Variants in UCK2 observed in about 807,000 individuals in gnomAD.
UCK2 encodes the protein uridine-cytidine kinase 2.
A neutral mutation model predicts 30.8 loss-of-function variants in UCK2; 6 were observed. That is an observed-to-expected ratio of 0.19 (90% CI 0.11 to 0.38). The LOEUF is 0.38. UCK2 is among the 10% of genes least tolerant of loss of function. The pLI, the probability that UCK2 is intolerant of heterozygous loss-of-function variation, is 1.00. For missense variants in UCK2, 210 were observed against 339.8 expected (o/e 0.62, Z 3.00); for synonymous variants, 125 against 133.6 (o/e 0.94, Z 0.45).
rs1192785165 is a variant in UCK2 at position 165,832,652 on chromosome 1, A to C, written c.99+4720A>C. ...GGGACAGAGCCTTGCTCTGTCACCCAGGCTGGAGTGCAGGGGTGCGAACTC... is the reference window on the plus strand; with the variant it reads ...GGGACAGAGCCTTGCTCTGTCACCCCGGCTGGAGTGCAGGGGTGCGAACTC... On this transcript the variant is annotated intron_variant, in intron 1 of 6. Coordinates refer to ENST00000367879, the MANE Select transcript of UCK2 (RefSeq NM_012474.5). Among the ~76,000 whole-genome samples, 4 of 152,246 alleles carry C rather than the reference A, an allele frequency of 2.6e-5. No individual in the cohort carries two copies. In the East Asian group the frequency reaches 5.8e-4, roughly 22 times the overall value.
At chr1:165,901,446 C>G (rs1647459097) in intron 4 of UCK2, among the ~76,000 whole-genome samples, 1 of 152,158 alleles carries the variant, frequency 6.6e-6, no homozygotes, top group African/African-American at 2.4e-5. Flanking sequence ...TCTGTGCATG[C>G]ACCTGTGCAT....
Position 165,911,521 on chromosome 1 carries a change from C to T in UCK2, c.*3698C>T, listed in dbSNP as rs1366504846. On this transcript the variant is annotated 3_prime_UTR_variant, in exon 7 of 7. Coordinates refer to ENST00000367879, the MANE Select transcript of UCK2 (RefSeq NM_012474.5). The stretch of plus-strand genomic sequence containing the variant: ...TTCCCCCCTTTTAAGATGCTTGCTC[C>T]TCTCCCTTTTCTTTTTACCACCCTA... The T allele has an allele frequency of 6.6e-6, 1 of 152,172 alleles. No homozygotes were observed. Among genetic ancestry groups the T allele is most frequent in the East Asian group, 1.9e-4 (1 of 5,192 alleles). 9.4% of individuals were successfully genotyped at this position (152,172 alleles called of 1,614,324 possible).
intron 4 of UCK2, among the ~76,000 whole-genome samples, chr1:165,902,263 T>C (rs977142125): frequency 2.0e-5 from 3 of 151,608 alleles, no homozygotes; most frequent in Non-Finnish European, 4.4e-5. Context: ...AAAAAATTAG[T>C]CCATTGAGGT....
At chr1:165,873,887 A>G (rs1044904078) in intron 1 of UCK2, among the ~76,000 whole-genome samples, 1 of 150,838 alleles carries the variant, frequency 6.6e-6, no homozygotes. Context: ...GCCACTCACT[A>G]CTCCTGAGCT....
intron 1 of UCK2, among the ~76,000 whole-genome samples, chr1:165,888,915 C>A (rs1402848255): frequency 6.6e-6 from 1 of 152,232 alleles, no homozygotes; most frequent in Non-Finnish European, 1.5e-5. Context: ...CAATCCTTCA[C>A]TATCTCATTC....
chr1:165,881,966 C>G (rs990788350), intron 1 of UCK2, among the ~76,000 whole-genome samples: 1 of 152,212 alleles, frequency 6.6e-6, no homozygotes, highest in African/African-American at 2.4e-5. Flanking sequence ...GGCTGGACTA[C>G]CTTTGCGGCA....
At chr1:165,888,118 G>A (rs1474196372) in intron 1 of UCK2, among the ~76,000 whole-genome samples, 2 of 152,162 alleles carry the variant, frequency 1.3e-5, no homozygotes, top group African/African-American at 2.4e-5. Flanking sequence ...TTTTCCTTAC[G>A]CTCAGGGCAA....
At chr1:165,849,399 G>A (rs1044624409) in intron 1 of UCK2, among the ~76,000 whole-genome samples, 1 of 152,134 alleles carries the variant, frequency 6.6e-6, no homozygotes, top group East Asian at 1.9e-4. Flanking sequence ...GGGAAAGAGT[G>A]GACTCGGGAC....
intron 1 of UCK2, among the ~76,000 whole-genome samples, chr1:165,886,600 A>T (rs1179014148): frequency 6.6e-6 from 1 of 152,200 alleles, no homozygotes; most frequent in African/African-American, 2.4e-5. Context: ...CAGCTGAATT[A>T]TTCTTAAGGA....
intron 1 of UCK2, among the ~76,000 whole-genome samples, chr1:165,864,249 G>A (rs1654990463): frequency 6.6e-6 from 1 of 152,138 alleles, no homozygotes; most frequent in Non-Finnish European, 1.5e-5. Flanking sequence ...CGCCCAGCCG[G>A]GTCCTGCCTT....
At chr1:165,854,643 A>G (rs1394872590) in intron 1 of UCK2, among the ~76,000 whole-genome samples, 2 of 145,054 alleles carry the variant, frequency 1.4e-5, no homozygotes, top group Non-Finnish European at 3.0e-5. Context: ...ATAAATAAAT[A>G]AAGTGAGTGT....
At chr1:165,843,915 A>G (rs1003122020) in intron 1 of UCK2, among the ~76,000 whole-genome samples, 1 of 152,078 alleles carries the variant, frequency 6.6e-6, no homozygotes, top group Non-Finnish European at 1.5e-5. Context: ...ATAATTTTGC[A>G]CGTGTTTATT....
intron 1 of UCK2, among the ~76,000 whole-genome samples, chr1:165,871,701 T>G (rs1054282463): frequency 5.3e-5 from 8 of 152,056 alleles, no homozygotes. Context: ...AAGGAAGACA[T>G]GAAGTTGAGA....
intron 1 of UCK2, among the ~76,000 whole-genome samples, chr1:165,887,995 ATAT>A (rs1655663109): frequency 6.6e-6 from 1 of 152,198 alleles, no homozygotes. Flanking sequence ...TTGAGTCAAA[ATAT>A]TATTGTTCCT....
intron 1 of UCK2, among the ~76,000 whole-genome samples, chr1:165,837,294 T>C (rs1406440339): frequency 6.6e-6 from 1 of 152,256 alleles, no homozygotes; most frequent in African/African-American, 2.4e-5. Context: ...CCTTACATTT[T>C]GACAGTTCTG....
chr1:165,905,271 CCA>C (rs1312384938), intron 5 of UCK2, among the ~76,000 whole-genome samples: 1 of 152,076 alleles, frequency 6.6e-6, no homozygotes, highest in Non-Finnish European at 1.5e-5. Context: ...TCGCTTGAGC[CCA>C]GGAGTTTGAG....
rs1026166018 is a variant in UCK2 at position 165,911,185 on chromosome 1, T to C, written c.*3362T>C. 21 of 152,348 alleles carry C rather than the reference T, an allele frequency of 1.4e-4. No individual in the cohort carries two copies. Among genetic ancestry groups the C allele is most frequent in the African/African-American group, 4.8e-4 (20 of 41,456 alleles). The allele number at this position is 152,348 out of a possible 1,614,324, so 9.4% of individuals were successfully genotyped here. A position where few individuals can be genotyped will look rare whatever the true frequency, so the allele number is the denominator to read the frequency against. On this transcript the variant is annotated 3_prime_UTR_variant, in exon 7 of 7. Coordinates refer to ENST00000367879, the MANE Select transcript of UCK2 (RefSeq NM_012474.5). Reference sequence around the variant, plus strand: ...GAGGAGCAGCTAGGTAGGTGGGTTATGCGGTTCAGGACTGCTTCTGGAAGG... The same window carrying C: ...GAGGAGCAGCTAGGTAGGTGGGTTACGCGGTTCAGGACTGCTTCTGGAAGG...
intron 1 of UCK2, among the ~76,000 whole-genome samples, chr1:165,830,701 A>G (rs113956904): frequency 0.032 from 4,900 of 152,206 alleles, 274 homozygotes; most frequent in African/African-American, 0.11. Context: ...AATGATTGAT[A>G]GTTTGTCATC....
At position 165,870,836 on chromosome 1, in the gene UCK2, G is replaced by A. The variant is rs977490267; in HGVS notation, c.100-19368G>A. ...AAATTCCTTGTTAGTCTTTTTTTTC[G>A]AGAAGGAGTTTTGCTCTGTTGCCCC... On this transcript the variant is annotated intron_variant, in intron 1 of 6. Coordinates refer to ENST00000367879, the MANE Select transcript of UCK2 (RefSeq NM_012474.5). Among the ~76,000 whole-genome samples the A allele has an allele frequency of 5.3e-5, 8 of 151,890 alleles. No individual in the cohort carries two copies. In the East Asian group the frequency reaches 5.8e-4, roughly 11 times the overall value.
Sources: allele counts gnomAD v4.1 joint callset (sites outside exome capture counted in the v4.1 genomes callset), GRCh38; gene constraint gnomAD v4.1.1; transcripts MANE v1.5; gene names NCBI Gene and HGNC (gene_info 2026-07-23, HGNC 2026-07-21).